Variants in ARHGAP26 observed in about 807,000 individuals in gnomAD.
The protein encoded by ARHGAP26 is Rho GTPase activating protein 26, also known as rho GTPase-activating protein 26.
ARHGAP26 carries 38 observed loss-of-function variants against 104.8 expected under a neutral mutation model. The observed-to-expected ratio is 0.36, with a 90% CI of 0.28 to 0.48. The LOEUF is 0.48. ARHGAP26 is among the 20% of genes least tolerant of loss of function. The pLI, the probability that ARHGAP26 is intolerant of heterozygous loss-of-function variation, is 0.99. For missense variants in ARHGAP26, 704 were observed against 947.9 expected (o/e 0.74, Z 3.38); for synonymous variants, 341 against 340.0 (o/e 1.00, Z -0.03).
intron 20 of ARHGAP26, among the ~76,000 whole-genome samples, chr5:143,190,522 A>G (rs921072512): frequency 3.3e-5 from 5 of 152,076 alleles, no homozygotes; most frequent in African/African-American, 9.7e-5. Flanking sequence ...TATGATCAGC[A>G]AAACTATTCT....
chr5:142,789,789 A>G (rs367736115), intron 1 of ARHGAP26, among the ~76,000 whole-genome samples: 2 of 152,256 alleles, frequency 1.3e-5, no homozygotes, highest in South Asian at 4.1e-4. Flanking sequence ...AGCACAAGAC[A>G]CTCCAAAACA....
At chr5:142,956,798 G>A (rs1013259035) in intron 11 of ARHGAP26, among the ~76,000 whole-genome samples, 5 of 152,292 alleles carry the variant, frequency 3.3e-5, no homozygotes, top group Non-Finnish European at 4.4e-5. Context: ...TTATGGCGGA[G>A]GGTGAAAGGC....
intron 1 of ARHGAP26, among the ~76,000 whole-genome samples, chr5:142,797,668 C>G (rs1472575136): frequency 6.6e-6 from 1 of 152,220 alleles, no homozygotes; most frequent in Non-Finnish European, 1.5e-5. Context: ...CAGCAACCCT[C>G]GTCTGTGATT....
At chr5:143,091,251 G>A (rs1598968209) in intron 17 of ARHGAP26, among the ~76,000 whole-genome samples, 1 of 152,176 alleles carries the variant, frequency 6.6e-6, no homozygotes, top group African/African-American at 2.4e-5. Flanking sequence ...ACAAGGTAGG[G>A]TCCTTCCCAG....
intron 5 of ARHGAP26, among the ~76,000 whole-genome samples, chr5:142,887,199 A>G (rs947249255): frequency 6.6e-6 from 1 of 152,208 alleles, no homozygotes; most frequent in Non-Finnish European, 1.5e-5. Context: ...GAATGAGTCC[A>G]GCATTTTCTT....
At chr5:142,989,837 G>A (rs921672218) in intron 11 of ARHGAP26, among the ~76,000 whole-genome samples, 40 of 152,112 alleles carry the variant, frequency 2.6e-4, no homozygotes, top group African/African-American at 8.5e-4. Flanking sequence ...TTAGTCTGAC[G>A]GGCTTCCCTT....
intron 11 of ARHGAP26, among the ~76,000 whole-genome samples, chr5:143,012,539 A>T (rs1778901439): frequency 2.6e-5 from 1 of 38,818 alleles, no homozygotes; most frequent in South Asian, 4.7e-4. Context: ...GGATATATTT[A>T]TATACATACA....
intron 12 of ARHGAP26, among the ~76,000 whole-genome samples, chr5:143,016,954 T>C (rs1779672479): frequency 1.3e-5 from 2 of 152,160 alleles, no homozygotes; most frequent in Non-Finnish European, 2.9e-5. Flanking sequence ...CCCATAAGGC[T>C]CATCTACCAC....
At chr5:143,044,608 G>C (rs950731358) in intron 14 of ARHGAP26, among the ~76,000 whole-genome samples, 2 of 151,876 alleles carry the variant, frequency 1.3e-5, no homozygotes, top group African/African-American at 4.8e-5. Context: ...TGGGGACGGG[G>C]TTAGTCCCTG....
At chr5:142,967,905 C>T (rs1771652528) in intron 11 of ARHGAP26, among the ~76,000 whole-genome samples, 1 of 152,176 alleles carries the variant, frequency 6.6e-6, no homozygotes. Context: ...CTAGAAGTTC[C>T]TGAAGCTTCT....
intron 18 of ARHGAP26, among the ~76,000 whole-genome samples, chr5:143,123,790 A>G (rs1336746800): frequency 1.3e-5 from 2 of 152,228 alleles, no homozygotes; most frequent in Non-Finnish European, 2.9e-5. Context: ...CAGGAGTTCA[A>G]GGTTACAGTG....
intron 1 of ARHGAP26, among the ~76,000 whole-genome samples, chr5:142,820,484 T>G (rs1053913874): frequency 1.3e-5 from 2 of 152,126 alleles, no homozygotes; most frequent in Non-Finnish European, 2.9e-5. Flanking sequence ...AAGGCTCATA[T>G]TGAACATTGC....
At chr5:142,934,085 A>G (rs981707055) in intron 11 of ARHGAP26, among the ~76,000 whole-genome samples, 1 of 152,106 alleles carries the variant, frequency 6.6e-6, no homozygotes, top group South Asian at 2.1e-4. Context: ...AAAAAACCCA[A>G]ACCCACTACT....
chr5:142,886,288 T>A (rs1757691845), intron 5 of ARHGAP26, among the ~76,000 whole-genome samples: 1 of 152,198 alleles, frequency 6.6e-6, no homozygotes, highest in South Asian at 2.1e-4. Context: ...TTCTGTTAGG[T>A]GAAAGTTCAT....
At chr5:143,124,763 C>T (rs992451496) in intron 18 of ARHGAP26, among the ~76,000 whole-genome samples, 2 of 152,202 alleles carry the variant, frequency 1.3e-5, no homozygotes, top group African/African-American at 4.8e-5. Flanking sequence ...AGCTAGATGC[C>T]ACCTCTGGGT....
At chr5:143,119,125 G>A (rs1419578209) in intron 17 of ARHGAP26, among the ~76,000 whole-genome samples, 1 of 152,142 alleles carries the variant, frequency 6.6e-6, no homozygotes, top group Non-Finnish European at 1.5e-5. Context: ...TAGCAGGGAG[G>A]ATAAAGCTGA....
In ARHGAP26 at chr5:143,224,440, A is replaced by C. The variant is rs986601972; in HGVS notation, c.*1994A>C. 8.7e-6 allele frequency: 2 copies of C among 228,880 alleles called. No individual in the cohort carries two copies. The highest frequency in any genetic ancestry group is 1.7e-5 in the Non-Finnish European group (2 of 115,378). 14.2% of individuals were successfully genotyped at this position (228,880 alleles called of 1,614,324 possible). On this transcript the variant is annotated 3_prime_UTR_variant, in exon 23 of 23. Coordinates refer to ENST00000645722, the MANE Select transcript of ARHGAP26 (RefSeq NM_001135608.3). Reference sequence around the variant, plus strand: ...GGAGATGGGAAGAGCATCTCCAGGCAATGAGTTTTTCAAAGAATGCCTACT... The same window carrying C: ...GGAGATGGGAAGAGCATCTCCAGGCCATGAGTTTTTCAAAGAATGCCTACT...
chr5:142,791,508 C>T (rs542823812), intron 1 of ARHGAP26, among the ~76,000 whole-genome samples: 17 of 152,202 alleles, frequency 1.1e-4, no homozygotes, highest in African/African-American at 3.1e-4. Flanking sequence ...AGTTGACTTT[C>T]GGTGAATTGA....
chr5:142,812,087 C>G (rs1232994373), intron 1 of ARHGAP26, among the ~76,000 whole-genome samples: 1 of 152,082 alleles, frequency 6.6e-6, no homozygotes, highest in Admixed American at 6.6e-5. Flanking sequence ...AAAGGCTCCC[C>G]CTCCCCACCC....
Sources: allele counts gnomAD v4.1 joint callset (sites outside exome capture counted in the v4.1 genomes callset), GRCh38; gene constraint gnomAD v4.1.1; transcripts MANE v1.5; gene names NCBI Gene and HGNC (gene_info 2026-07-23, HGNC 2026-07-21).